Variants in HIVEP3 observed in about 807,000 individuals in gnomAD.
HIVEP3 encodes the protein transcription factor HIVEP3.
A neutral mutation model predicts 152.8 loss-of-function variants in HIVEP3; 49 were observed. That is an observed-to-expected ratio of 0.32 (90% CI 0.26 to 0.41). The LOEUF is 0.41. Ranked by LOEUF, HIVEP3 falls within the 10% of genes least tolerant of loss-of-function variation. The pLI is 1.00. For synonymous variants in HIVEP3, 1,269 were observed against 1,289.0 expected, an observed-to-expected ratio of 0.98 and a Z score of 0.33; for missense variants, 2,790 against 3,103.3, an observed-to-expected ratio of 0.90 and a Z score of 2.40.
intron 5 of HIVEP3, among the ~76,000 whole-genome samples, chr1:41,528,391 C>T (rs1291064839): frequency 7.3e-5 from 10 of 137,004 alleles, no homozygotes; most frequent in African/African-American, 2.7e-4. Flanking sequence ...ACAGTCCACA[C>T]GCCCACCCTC....
At chr1:41,819,725 T>C (rs1642532792) in intron 1 of HIVEP3, among the ~76,000 whole-genome samples, 1 of 152,234 alleles carries the variant, frequency 6.6e-6, no homozygotes, top group African/African-American at 2.4e-5. Context: ...ATTGGGGGTT[T>C]TTCTTGTAGT....
At chr1:41,817,542 G>A (rs1253663807) in intron 1 of HIVEP3, among the ~76,000 whole-genome samples, 1 of 152,146 alleles carries the variant, frequency 6.6e-6, no homozygotes, top group Admixed American at 6.5e-5. Flanking sequence ...CACTGAGGAA[G>A]TTTTCTTCAC....
chr1:41,797,195 C>T (rs982430674), intron 1 of HIVEP3, among the ~76,000 whole-genome samples: 2 of 152,226 alleles, frequency 1.3e-5, no homozygotes, highest in African/African-American at 2.4e-5. Context: ...TGGCTGAACA[C>T]GTCTCCCAGT....
intron 5 of HIVEP3, among the ~76,000 whole-genome samples, chr1:41,574,949 C>T (rs577884052): frequency 6.6e-5 from 10 of 152,334 alleles, no homozygotes; most frequent in Middle Eastern, 3.4e-3. Flanking sequence ...TTAGACCATT[C>T]GTTTCCCAAA....
intron 1 of HIVEP3, among the ~76,000 whole-genome samples, chr1:41,705,850 T>C (rs1054985637): frequency 6.6e-6 from 1 of 152,186 alleles, no homozygotes; most frequent in African/African-American, 2.4e-5. Context: ...TACTGAGGCA[T>C]TGAATACCGA....
intron 1 of HIVEP3, among the ~76,000 whole-genome samples, chr1:42,000,449 G>C (rs2124523337): frequency 6.6e-6 from 1 of 152,322 alleles, no homozygotes; most frequent in East Asian, 1.9e-4. Context: ...GGAGGCACAA[G>C]TCACCTTCAT....
intron 1 of HIVEP3, among the ~76,000 whole-genome samples, chr1:41,958,440 A>G (rs572905112): frequency 4.7e-4 from 72 of 152,342 alleles, no homozygotes; most frequent in African/African-American, 1.7e-3. Flanking sequence ...AGAGCTGTAA[A>G]TCTTGAACTA....
intron 3 of HIVEP3, among the ~76,000 whole-genome samples, chr1:41,625,293 G>C (rs1057016783): frequency 6.6e-6 from 1 of 152,034 alleles, no homozygotes; most frequent in Non-Finnish European, 1.5e-5. Context: ...GATGATCTAG[G>C]GCAGAGGTCA....
At chr1:41,660,802 T>C (rs1458639023) in intron 2 of HIVEP3, among the ~76,000 whole-genome samples, 4 of 152,212 alleles carry the variant, frequency 2.6e-5, no homozygotes, top group Non-Finnish European at 2.9e-5. Context: ...TGGATTGTAA[T>C]TGGCCAAAAG....
intron 1 of HIVEP3, among the ~76,000 whole-genome samples, chr1:41,993,156 A>C (rs1367598874): frequency 1.9e-3 from 268 of 142,576 alleles, no homozygotes; most frequent in Admixed American, 3.6e-3. Context: ...AATGGGATCT[A>C]ATTAAACTAA....
chr1:42,029,052 A>T (rs1248050579), intron 1 of HIVEP3, among the ~76,000 whole-genome samples: 1 of 152,242 alleles, frequency 6.6e-6, no homozygotes, highest in Non-Finnish European at 1.5e-5. Flanking sequence ...AAAAAACACT[A>T]TGCAGACTGA....
At position 41,581,350 on chromosome 1, in the gene HIVEP3, G is replaced by A. The variant is rs1464444216; in HGVS notation, c.3448C>T (p.His1150Tyr). The change falls in exon 4 of 9, where the codon CAT (histidine) becomes TAT (tyrosine). Residue 1150 changes from histidine to tyrosine, a missense_variant. By Grantham distance (83) the His-to-Tyr change is moderately conservative. This residue lies in a region of HIVEP3 where 1,078 missense variants were observed against 1,165.3 expected (regional missense o/e 0.93). Transcript: ENST00000372583. This position sits in a 1 kb window ranked among gnomAD's most constrained non-coding sequence, Gnocchi z 4.5. ...TGTCCTGGCTCATGCTGCACGAGAT[G>A]CTGGAAGGAGAAAAGGGAGACTGGT... ...PPPVSLFSFQ[H>Y]LVQHEPGQSP... The A allele has an allele frequency of 1.2e-6, 2 of 1,613,810 alleles. No homozygotes were observed. Among genetic ancestry groups the A allele is most frequent in the Non-Finnish European group, 1.7e-6 (2 of 1,179,878 alleles).
chr1:41,940,673 C>T (rs12564094), intron 1 of HIVEP3, among the ~76,000 whole-genome samples: 25 of 152,010 alleles, frequency 1.6e-4, no homozygotes, highest in East Asian at 5.8e-4. Flanking sequence ...GTTGTGTATA[C>T]GGCAACAGGG....
chr1:41,545,039 T>TACCACCACCACCACCACCACC (rs1558047576), intron 5 of HIVEP3, among the ~76,000 whole-genome samples: 1 of 17,862 alleles, frequency 5.6e-5, no homozygotes, highest in Non-Finnish European at 1.3e-4. Flanking sequence ...CCACCACCAA[T>TACCACCACCACCACCACCACC]ACCACTACCA....
intron 1 of HIVEP3, among the ~76,000 whole-genome samples, chr1:41,768,045 T>A (rs1439345376): frequency 6.6e-6 from 1 of 152,210 alleles, no homozygotes; most frequent in African/African-American, 2.4e-5. Flanking sequence ...GCCAAAACAC[T>A]AAAAGCACTG....
chr1:41,573,759 G>A (rs1038064441), intron 5 of HIVEP3, among the ~76,000 whole-genome samples: 1 of 152,128 alleles, frequency 6.6e-6, no homozygotes, highest in Admixed American at 6.5e-5. Context: ...AACTGAGGGC[G>A]GGAGAGCTGG....
intron 2 of HIVEP3, among the ~76,000 whole-genome samples, chr1:41,639,672 G>A (rs888861655): frequency 4.6e-5 from 7 of 152,188 alleles, no homozygotes; most frequent in South Asian, 2.1e-4. Context: ...TCAGCCTTCC[G>A]GCTCTCACTT....
intron 2 of HIVEP3, among the ~76,000 whole-genome samples, chr1:41,640,964 G>A (rs942779034): frequency 1.3e-5 from 2 of 152,222 alleles, no homozygotes; most frequent in Non-Finnish European, 2.9e-5. Context: ...CTGTGAGTCT[G>A]TTTCCTCACC....
chr1:41,913,501 A>G (rs1644826960), intron 1 of HIVEP3, among the ~76,000 whole-genome samples: 1 of 152,164 alleles, frequency 6.6e-6, no homozygotes, highest in Admixed American at 6.5e-5. Flanking sequence ...GACTCAAGAG[A>G]TCCTCCCGCC....
Sources: allele counts gnomAD v4.1 joint callset (sites outside exome capture counted in the v4.1 genomes callset), GRCh38; gene constraint gnomAD v4.1.1; regional missense constraint gnomAD v4.1.1; non-coding constraint Gnocchi (gnomAD v3.1); transcripts MANE v1.5; gene names NCBI Gene and HGNC (gene_info 2026-07-23, HGNC 2026-07-21).